Variants in B3GAT2 observed in about 807,000 individuals in gnomAD.
The protein encoded by B3GAT2 is beta-1,3-glucuronyltransferase 2.
Under a neutral mutation model 27.8 loss-of-function variants are expected in B3GAT2, and 26 were observed. That is an observed-to-expected ratio of 0.93 (90% CI 0.68 to 1.30). The LOEUF (loss-of-function observed/expected upper bound fraction) is 1.30. Ranked by LOEUF, B3GAT2 falls within the 50% of genes most tolerant of loss-of-function variation. B3GAT2 has a pLI of 0.00. For missense variants in B3GAT2, 458 were observed against 459.0 expected, an observed-to-expected ratio of 1.00 and a Z score of 0.02; for synonymous variants, 218 against 195.1, an observed-to-expected ratio of 1.12 and a Z score of -0.98.
intron 1 of B3GAT2, among the ~76,000 whole-genome samples, chr6:70,934,128 C>T (rs1197993535): frequency 6.6e-6 from 1 of 152,188 alleles, no homozygotes; most frequent in East Asian, 1.9e-4. Context: ...CTAGAGGCCC[C>T]ATCTTCCAAG....
chr6:70,861,613 T>C lies in B3GAT2; in HGVS notation c.*50A>G. On this transcript the variant is annotated 3_prime_UTR_variant, in exon 4 of 4. Coordinates refer to ENST00000230053, the MANE Select transcript of B3GAT2 (RefSeq NM_080742.3). The stretch of plus-strand genomic sequence containing the variant: ...TGTAGCCTAAACTCCAAACATCCTC[T>C]TCCATATGGATCCACTGGCTGGACA... 6.5e-7 allele frequency: 1 copy of C among 1,541,546 alleles called. No individual in the cohort carries two copies. Among genetic ancestry groups the C allele is most frequent in the East Asian group, 2.3e-5 (1 of 44,420 alleles).
chr6:70,924,360 C>T, intron 1 of B3GAT2, among the ~76,000 whole-genome samples: 1 of 152,120 alleles, frequency 6.6e-6, no homozygotes, highest in Non-Finnish European at 1.5e-5. Flanking sequence ...AGAGTCAATG[C>T]AATCTCTATC....
chr6:70,886,670 G>A (rs892949498), intron 2 of B3GAT2, among the ~76,000 whole-genome samples: 1 of 152,030 alleles, frequency 6.6e-6, no homozygotes. Context: ...CCCTGAGTAT[G>A]AGCACACAGA....
intron 1 of B3GAT2, among the ~76,000 whole-genome samples, chr6:70,925,228 G>A (rs1240070955): frequency 1.3e-5 from 2 of 152,232 alleles, no homozygotes; most frequent in African/African-American, 2.4e-5. Context: ...ATGCATCTGC[G>A]TGAGTGACGC....
intron 1 of B3GAT2, among the ~76,000 whole-genome samples, chr6:70,922,484 T>C (rs1772885833): frequency 6.6e-6 from 1 of 152,130 alleles, no homozygotes; most frequent in Admixed American, 6.5e-5. Context: ...AGTGAAACTA[T>C]ATTTTAAAAC....
At chr6:70,882,500 C>A (rs1294023096) in intron 2 of B3GAT2, among the ~76,000 whole-genome samples, 2 of 151,570 alleles carry the variant, frequency 1.3e-5, no homozygotes, top group South Asian at 2.1e-4. Flanking sequence ...GACTACATCT[C>A]AAAAAATAAA....
At chr6:70,928,592 T>C (rs118191323) in intron 1 of B3GAT2, among the ~76,000 whole-genome samples, 12,274 of 151,966 alleles carry the variant, frequency 0.081, 595 homozygotes, top group Non-Finnish European at 0.11. Context: ...CTAGAAGAAA[T>C]AGAAAAATTC....
At chr6:70,863,252 C>T (rs921092295) in intron 2 of B3GAT2, among the ~76,000 whole-genome samples, 3 of 152,136 alleles carry the variant, frequency 2.0e-5, no homozygotes, top group Admixed American at 6.5e-5. Flanking sequence ...ATTCAGTTTG[C>T]AAAGTAATAC....
intron 1 of B3GAT2, among the ~76,000 whole-genome samples, chr6:70,924,656 A>T (rs897140645): frequency 5.3e-5 from 8 of 152,130 alleles, no homozygotes; most frequent in African/African-American, 1.9e-4. Flanking sequence ...AGTGAAGGAG[A>T]TCTGATCCAA....
intron 1 of B3GAT2, among the ~76,000 whole-genome samples, chr6:70,894,835 C>A (rs1008580067): frequency 2.6e-5 from 4 of 152,198 alleles, no homozygotes; most frequent in Non-Finnish European, 5.9e-5. Flanking sequence ...ATTTGCCTGC[C>A]TTTTAAGGGC....
At chr6:70,876,437 G>C (rs1458858340) in intron 2 of B3GAT2, among the ~76,000 whole-genome samples, 1 of 152,110 alleles carries the variant, frequency 6.6e-6, no homozygotes, top group Non-Finnish European at 1.5e-5. Flanking sequence ...TGGAGGGCTT[G>C]AATTCAAATC....
At chr6:70,933,585 A>G (rs1371275283) in intron 1 of B3GAT2, among the ~76,000 whole-genome samples, 1 of 152,198 alleles carries the variant, frequency 6.6e-6, no homozygotes, top group Non-Finnish European at 1.5e-5. Flanking sequence ...AACTTATCAA[A>G]GTTATAAAAA....
intron 2 of B3GAT2, among the ~76,000 whole-genome samples, chr6:70,873,526 A>G (rs1338562764): frequency 6.6e-6 from 1 of 152,124 alleles, no homozygotes; most frequent in Non-Finnish European, 1.5e-5. Flanking sequence ...TCAACTGATT[A>G]TGATGTGTCT....
chr6:70,860,812 C>CTTAT lies in B3GAT2; in HGVS notation c.*847_*850dup, dbSNP rs1378870023. On this transcript the variant is annotated 3_prime_UTR_variant, in exon 4 of 4. Transcript: ENST00000230053. ...CTGTTTTCTAGTGTATCAAAATGCT[C>CTTAT]TTATTTCATCATTCACTTCACTGTG... The CTTAT allele has an allele frequency of 7.3e-5, 29 of 397,410 alleles. No homozygotes were observed. The highest frequency in any genetic ancestry group is 5.4e-4 in the African/African-American group (26 of 48,480). 24.6% of individuals were successfully genotyped at this position (397,410 alleles called of 1,614,324 possible).
At chr6:70,879,945 C>T (rs933761122) in intron 2 of B3GAT2, among the ~76,000 whole-genome samples, 11 of 151,980 alleles carry the variant, frequency 7.2e-5, no homozygotes, top group Admixed American at 2.0e-4. Flanking sequence ...CATGGAGAAA[C>T]GAAGTGCAAG....
intron 1 of B3GAT2, among the ~76,000 whole-genome samples, chr6:70,896,883 A>G (rs1772395671): frequency 6.6e-6 from 1 of 152,218 alleles, no homozygotes; most frequent in Admixed American, 6.5e-5. Context: ...CGTGTTTACA[A>G]GTTTATGCGA....
intron 2 of B3GAT2, among the ~76,000 whole-genome samples, chr6:70,880,260 C>T (rs1464990117): frequency 6.6e-6 from 1 of 152,144 alleles, no homozygotes; most frequent in African/African-American, 2.4e-5. Flanking sequence ...TTTTAGGAAA[C>T]ATTCACAGTG....
In B3GAT2 at chr6:70,860,265, C is replaced by T. The variant is rs370841547; in HGVS notation, c.*1398G>A. 15 of 1,613,706 alleles carry T rather than the reference C, an allele frequency of 9.3e-6. No individual in the cohort carries two copies. In the South Asian group the frequency reaches 1.2e-4, roughly 13 times the overall value. The stretch of plus-strand genomic sequence containing the variant: ...CCCCTACTGCAGGTTTTGGCCAGCC[C>T]TCCAGCACAACAGCAGGATGGTCTG... On this transcript the variant is annotated 3_prime_UTR_variant, in exon 4 of 4. Transcript: ENST00000230053.
At chr6:70,889,786 A>AC (rs1772255887) in intron 2 of B3GAT2, among the ~76,000 whole-genome samples, 1 of 141,820 alleles carries the variant, frequency 7.1e-6, no homozygotes, top group East Asian at 2.1e-4. Context: ...TAGAAACCTA[A>AC]TTTTTTTTTT....
Sources: gnomAD v4.1 joint callset for allele counts (sites outside exome capture counted in the v4.1 genomes callset) on GRCh38, gnomAD v4.1.1 for gene constraint, MANE v1.5 for transcripts, NCBI Gene and HGNC (gene_info 2026-07-23, HGNC 2026-07-21) for gene names.